CSPP1: variants seen among roughly 807,000 people sequenced by gnomAD.
The protein encoded by CSPP1 is centrosome and spindle pole associated protein 1.
In CSPP1, 126 loss-of-function variants were observed where a neutral mutation model predicts 164.4. That is an observed-to-expected ratio of 0.77 (90% CI 0.66 to 0.89). The LOEUF is 0.89. Ranked by LOEUF, CSPP1 falls within the 40% of genes least tolerant of loss-of-function variation. The pLI, the probability that CSPP1 is intolerant of heterozygous loss-of-function variation, is 0.00. For synonymous variants in CSPP1, 472 were observed against 476.7 expected (o/e 0.99, Z 0.13); for missense variants, 1,395 against 1,449.8 (o/e 0.96, Z 0.61).
intron 8 of CSPP1, 55 bp downstream of exon 8, chr8:67,103,190 G>A: frequency 9.1e-7 from 1 of 1,102,666 alleles, no homozygotes; most frequent in South Asian, 1.3e-5. Flanking sequence ...GAAACAGAAT[G>A]TGCCTAAAAC....
At chr8:67,194,567 A>C (rs1194485161) in intron 30 of CSPP1, among the ~76,000 whole-genome samples, 1 of 152,154 alleles carries the variant, frequency 6.6e-6, no homozygotes, top group Non-Finnish European at 1.5e-5. Context: ...GCATTTTAAG[A>C]ATCTTTTTCA....
At chr8:67,098,715 T>A (rs1338008675) in intron 7 of CSPP1, among the ~76,000 whole-genome samples, 1 of 152,040 alleles carries the variant, frequency 6.6e-6, no homozygotes, top group Non-Finnish European at 1.5e-5. Flanking sequence ...AATATAGTAA[T>A]CCTAGTCTTA....
chr8:67,170,215 C>T (rs988036489), intron 24 of CSPP1, among the ~76,000 whole-genome samples: 10 of 150,028 alleles, frequency 6.7e-5, no homozygotes, highest in Non-Finnish European at 1.3e-4. Context: ...GAGACTGAGG[C>T]GGATGGATCA....
chr8:67,145,856 C>T (rs994262797), intron 17 of CSPP1, among the ~76,000 whole-genome samples: 14 of 152,050 alleles, frequency 9.2e-5, no homozygotes, highest in African/African-American at 3.1e-4. Flanking sequence ...GATGCTTAGA[C>T]TATGATTTGA....
chr8:67,086,956 A>G, intron 4 of CSPP1: 1 of 502,364 alleles, frequency 2.0e-6, no homozygotes, highest in Non-Finnish European at 3.5e-6. Context: ...ACCAATTAGG[A>G]AAACGGGTTC....
chr8:67,107,386 C>T (rs1213514437), intron 9 of CSPP1, among the ~76,000 whole-genome samples: 2 of 152,122 alleles, frequency 1.3e-5, no homozygotes, highest in African/African-American at 4.8e-5. Context: ...AGAGAAATGT[C>T]TTTCTGAGCT....
intron 4 of CSPP1, among the ~76,000 whole-genome samples, chr8:67,090,256 A>G (rs1811333229): frequency 6.6e-6 from 1 of 151,932 alleles, no homozygotes; most frequent in African/African-American, 2.4e-5. Context: ...TTGTAGCACA[A>G]CTCATTTGTA....
intron 10 of CSPP1, among the ~76,000 whole-genome samples, chr8:67,113,031 G>A (rs903628010): frequency 6.6e-6 from 1 of 152,132 alleles, no homozygotes; most frequent in African/African-American, 2.4e-5. Flanking sequence ...GGATCACAAG[G>A]TCAGGAGATC....
chr8:67,151,611 A>G (rs968807622), intron 18 of CSPP1, among the ~76,000 whole-genome samples: 2 of 152,192 alleles, frequency 1.3e-5, no homozygotes, highest in Admixed American at 6.5e-5. Flanking sequence ...CATAAGCCTG[A>G]TGATTAAACA....
At chr8:67,138,022 A>G (rs1822703260) in intron 17 of CSPP1, among the ~76,000 whole-genome samples, 2 of 152,212 alleles carry the variant, frequency 1.3e-5, no homozygotes, top group Admixed American at 6.5e-5. Context: ...TGTTTAATTT[A>G]TCTATGCAAT....
chr8:67,104,618 T>A (rs2129547435), intron 8 of CSPP1, among the ~76,000 whole-genome samples: 1 of 151,842 alleles, frequency 6.6e-6, no homozygotes, highest in Middle Eastern at 3.4e-3. Context: ...ATTTTTTATT[T>A]ACGTGCACTT....
rs1818310862 is a variant in CSPP1 at position 67,118,238 on chromosome 8, T to C, written c.1497-10T>C. On this transcript the variant is annotated splice_polypyrimidine_tract_variant and intron_variant, in intron 13 of 30. Coordinates refer to ENST00000678616, the MANE Select transcript of CSPP1 (RefSeq NM_001382391.1). ...TATGAGAGGAATTTTTCATCTTTCT[T>C]TTCATACAGGATTGCACCTCTGCCT... The C allele has an allele frequency of 6.2e-7, 1 of 1,609,934 alleles. No homozygotes were observed. Among genetic ancestry groups the C allele is most frequent in the Non-Finnish European group, 8.5e-7 (1 of 1,178,652 alleles).
At chr8:67,118,885 T>C (rs1818451976) in intron 15 of CSPP1, 64 bp downstream of exon 15, 2 of 1,068,184 alleles carry the variant, frequency 1.9e-6, no homozygotes, top group Non-Finnish European at 2.9e-6. Context: ...ACACATAACC[T>C]AAAAGCCACC....
chr8:67,188,565 T>C (rs995931283), intron 28 of CSPP1, among the ~76,000 whole-genome samples: 1 of 152,198 alleles, frequency 6.6e-6, no homozygotes, highest in Admixed American at 6.5e-5. Flanking sequence ...TCCCATTGTA[T>C]GGGAACTCTA....
chr8:67,093,226 A>G (rs1000657383), intron 5 of CSPP1, among the ~76,000 whole-genome samples: 1 of 152,100 alleles, frequency 6.6e-6, no homozygotes, highest in Non-Finnish European at 1.5e-5. Flanking sequence ...TAACTATTGG[A>G]GTGTAAAATG....
At position 67,100,683 on chromosome 8, in the gene CSPP1, A is replaced by T. The variant is rs750618827; in HGVS notation, c.924-2354A>T. Among the ~76,000 whole-genome samples, 78 of 151,324 alleles carry T rather than the reference A, an allele frequency of 5.2e-4. 1 individual carries two copies. Among genetic ancestry groups the T allele is most frequent in the South Asian group, 2.9e-3 (14 of 4,822 alleles). ...CAACCTCTGCCTTCCAGGCTCAAACAGTCCTCCCACTTTAGCCTCCCAAGT... is the reference window on the plus strand; with the variant it reads ...CAACCTCTGCCTTCCAGGCTCAAACTGTCCTCCCACTTTAGCCTCCCAAGT... On this transcript the variant is annotated intron_variant, in intron 7 of 30. Coordinates refer to ENST00000678616, the MANE Select transcript of CSPP1 (RefSeq NM_001382391.1).
At chr8:67,185,084 G>A (rs868141579) in intron 28 of CSPP1, among the ~76,000 whole-genome samples, 4 of 147,698 alleles carry the variant, frequency 2.7e-5, no homozygotes, top group East Asian at 2.0e-4. Flanking sequence ...CAGCCTGGGC[G>A]ACAGAGCAAG....
At chr8:67,169,596 C>T (rs187893460) in intron 24 of CSPP1, among the ~76,000 whole-genome samples, 5 of 152,136 alleles carry the variant, frequency 3.3e-5, no homozygotes, top group South Asian at 2.1e-4. Context: ...CCCACCCCCA[C>T]GCACGGCTAA....
chr8:67,085,965 G>A, intron 3 of CSPP1, 42 bp from the exon 4 acceptor site: 1 of 836,946 alleles, frequency 1.2e-6, no homozygotes, highest in Non-Finnish European at 2.1e-6. Flanking sequence ...CTTTGAGATT[G>A]GTTTGAAAAT....
Sources: gnomAD v4.1 joint callset for allele counts (sites outside exome capture counted in the v4.1 genomes callset) on GRCh38, gnomAD v4.1.1 for gene constraint, MANE v1.5 for transcripts, NCBI Gene and HGNC (gene_info 2026-07-23, HGNC 2026-07-21) for gene names.